The following MCC variants were observed in gnomAD, a reference collection of about 807,000 sequenced individuals.
The protein encoded by MCC is MCC regulator of Wnt signaling pathway.
MCC carries 90 observed loss-of-function variants against 116.2 expected under a neutral mutation model. The ratio of observed to expected loss-of-function variants is 0.77; its 90% CI spans 0.65 to 0.92. The LOEUF (loss-of-function observed/expected upper bound fraction) is 0.92. MCC is among the 40% of genes least tolerant of loss of function. The probability of loss-of-function intolerance (pLI) is 0.00; values close to 1 mark genes in which losing one functional copy is unlikely to be tolerated. For synonymous variants in MCC, 578 were observed against 510.5 expected (o/e 1.13, Z -1.78); for missense variants, 1,516 against 1,312.2 (o/e 1.16, Z -2.40).
intron 3 of MCC, among the ~76,000 whole-genome samples, chr5:113,292,367 A>G (rs1360686435): frequency 1.3e-5 from 2 of 152,250 alleles, no homozygotes; most frequent in African/African-American, 4.8e-5. Flanking sequence ...CTCGAAAGCA[A>G]GCAAAAAATG....
At chr5:113,384,122 T>C (rs768537346) in intron 2 of MCC, among the ~76,000 whole-genome samples, 4 of 152,186 alleles carry the variant, frequency 2.6e-5, no homozygotes, top group Non-Finnish European at 4.4e-5. Flanking sequence ...TATGTATAAC[T>C]GAGTATTCAA....
chr5:113,402,971 T>C (rs921454528), intron 1 of MCC, among the ~76,000 whole-genome samples: 22 of 152,138 alleles, frequency 1.4e-4, no homozygotes, highest in African/African-American at 5.1e-4. Flanking sequence ...CAATTTTTAA[T>C]ATTAGATTCA....
At chr5:113,295,087 A>G (rs945394614) in intron 3 of MCC, 34 of 297,790 alleles carry the variant, frequency 1.1e-4, no homozygotes, top group Non-Finnish European at 1.5e-4. Flanking sequence ...GCATCCTTCC[A>G]GTTCTCTGCA....
intron 11 of MCC, 62 bp downstream of exon 11, chr5:113,082,798 G>A (rs947824930): frequency 6.3e-7 from 1 of 1,577,662 alleles, no homozygotes; most frequent in Admixed American, 1.7e-5. Context: ...TCTTTGGAAA[G>A]AGAAGTGAGG....
chr5:113,029,079 T>C (rs1750777115), intron 17 of MCC, 23 bp from the exon 18 acceptor site: 1 of 1,598,338 alleles, frequency 6.3e-7, no homozygotes, highest in South Asian at 1.1e-5. Flanking sequence ...AGACAAAATA[T>C]GCCAGGAGTA....
chr5:113,309,368 A>G (rs1036173512), intron 3 of MCC, among the ~76,000 whole-genome samples: 1 of 151,782 alleles, frequency 6.6e-6, no homozygotes, highest in African/African-American at 2.4e-5. Flanking sequence ...TGAGTCTCCC[A>G]TGTCCACTCT....
intron 1 of MCC, among the ~76,000 whole-genome samples, chr5:113,411,618 A>G (rs1275148442): frequency 1.3e-5 from 2 of 152,062 alleles, no homozygotes; most frequent in East Asian, 1.9e-4. Flanking sequence ...CCCACAATCT[A>G]TAATCAGAGA....
intron 3 of MCC, among the ~76,000 whole-genome samples, chr5:113,173,345 T>C (rs1363775163): frequency 6.6e-6 from 1 of 152,212 alleles, no homozygotes; most frequent in Non-Finnish European, 1.5e-5. Context: ...CTTTGTACTT[T>C]TCATTTATTG....
intron 1 of MCC, among the ~76,000 whole-genome samples, chr5:113,396,001 G>C (rs1046839017): frequency 1.3e-5 from 2 of 152,058 alleles, no homozygotes; most frequent in African/African-American, 4.8e-5. Context: ...TAAGGAATGA[G>C]GGTTTTCAGG....
chr5:113,049,256 T>C lies in MCC; in HGVS notation c.2492A>G (p.Lys831Arg). ...CTTCAGCTCCAGGGCCTTCTTCTCT[T>C]TCTCCAGTAGGTAGAGCTGGGCCTT... is the stretch of plus-strand genomic sequence containing the variant. ...ELKAQLYLLE[K>R]EKKALELKLS... Residue 831 changes from lysine (K) to arginine (R), a missense_variant, in exon 16 of 19, where the codon AAA (lysine) becomes AGA (arginine). Lys to Arg is a conservative substitution (Grantham distance 26). Coordinates refer to ENST00000408903, the MANE Select transcript of MCC (RefSeq NM_001085377.2). The C allele has an allele frequency of 6.2e-7, 1 of 1,612,124 alleles. No homozygotes were observed. Among genetic ancestry groups the C allele is most frequent in the Non-Finnish European group, 8.5e-7 (1 of 1,179,128 alleles).
intron 3 of MCC, among the ~76,000 whole-genome samples, chr5:113,304,890 C>A (rs971612305): frequency 7.2e-5 from 11 of 151,786 alleles, no homozygotes; most frequent in Non-Finnish European, 1.3e-4. Flanking sequence ...GGAGAACATG[C>A]TTAAATTAAA....
At chr5:113,272,373 T>A (rs1243826558) in intron 3 of MCC, among the ~76,000 whole-genome samples, 1 of 152,222 alleles carries the variant, frequency 6.6e-6, no homozygotes, top group African/African-American at 2.4e-5. Flanking sequence ...TTTTTTCTTT[T>A]AATCTCAGAG....
intron 3 of MCC, among the ~76,000 whole-genome samples, chr5:113,312,657 T>C (rs1767163824): frequency 6.6e-6 from 1 of 152,234 alleles, no homozygotes. Flanking sequence ...GGTTTAAGAC[T>C]TGATCCAAAG....
chr5:113,463,138 A>T (rs1029631794), intron 1 of MCC, among the ~76,000 whole-genome samples: 29 of 152,292 alleles, frequency 1.9e-4, no homozygotes, highest in African/African-American at 7.0e-4. Flanking sequence ...ACACTGGAGA[A>T]ACTGAAATTC....
chr5:113,180,394 A>G (rs1426689947), intron 3 of MCC, among the ~76,000 whole-genome samples: 1 of 152,242 alleles, frequency 6.6e-6, no homozygotes, highest in Non-Finnish European at 1.5e-5. Context: ...TATTGTATAG[A>G]GAACCCACCA....
intron 3 of MCC, among the ~76,000 whole-genome samples, chr5:113,172,865 A>C (rs1761144251): frequency 6.7e-6 from 1 of 149,992 alleles, no homozygotes; most frequent in Admixed American, 6.6e-5. Context: ...ACATGTGTAG[A>C]TATATCACAT....
chr5:113,118,620 G>A (rs1757531967), intron 6 of MCC, among the ~76,000 whole-genome samples: 2 of 152,214 alleles, frequency 1.3e-5, no homozygotes, highest in South Asian at 4.1e-4. Flanking sequence ...AGCAAATTCT[G>A]CAGCTCAAGA....
chr5:113,457,924 A>G (rs2150423784), intron 1 of MCC, among the ~76,000 whole-genome samples: 1 of 151,956 alleles, frequency 6.6e-6, no homozygotes. Flanking sequence ...CTCTGTATCT[A>G]GCTACTCTGG....
intron 11 of MCC, among the ~76,000 whole-genome samples, chr5:113,077,064 C>G (rs1023373459): frequency 3.3e-5 from 5 of 152,020 alleles, no homozygotes; most frequent in Non-Finnish European, 5.9e-5. Context: ...CAAAGAAGGC[C>G]ATTACATAAT....
Sources: allele counts gnomAD v4.1 joint callset (sites outside exome capture counted in the v4.1 genomes callset), GRCh38; gene constraint gnomAD v4.1.1; transcripts MANE v1.5; gene names NCBI Gene and HGNC (gene_info 2026-07-23, HGNC 2026-07-21).